CCN6: variants seen among roughly 807,000 people sequenced by gnomAD.
CCN6 encodes the protein CCN family member 6.
A neutral mutation model predicts 37.4 loss-of-function variants in CCN6; 31 were observed. That is an observed-to-expected ratio of 0.83 (90% CI 0.62 to 1.12). The LOEUF is 1.12. CCN6 is among the 50% of genes most tolerant of loss of function. The pLI, the probability that CCN6 is intolerant of heterozygous loss-of-function variation, is 0.00. For synonymous variants in CCN6, 137 were observed against 142.1 expected, an observed-to-expected ratio of 0.96 and a Z score of 0.26; for missense variants, 369 against 413.8, an observed-to-expected ratio of 0.89 and a Z score of 0.94.
At chr6:112,068,592 G>C (rs1776770854) in intron 4 of CCN6, among the ~76,000 whole-genome samples, 194 bp downstream of exon 4, 1 of 152,088 alleles carries the variant, frequency 6.6e-6, no homozygotes, top group Non-Finnish European at 1.5e-5. Flanking sequence ...TTACCAACCA[G>C]AGCAGATTCT....
chr6:112,065,563 A>AACACACGC (rs1554313745), intron 3 of CCN6, among the ~76,000 whole-genome samples: 1 of 102,092 alleles, frequency 9.8e-6, no homozygotes, highest in Non-Finnish European at 2.2e-5. Context: ...TCTCTCTGTA[A>AACACACGC]ACACACACAC....
intron 1 of CCN6, 42 bp from the exon 2 acceptor site, chr6:112,060,949 T>G: frequency 6.2e-7 from 1 of 1,611,038 alleles, no homozygotes; most frequent in Non-Finnish European, 8.5e-7. Flanking sequence ...TACTATTACA[T>G]AGAGAAGCTA....
intron 1 of CCN6, among the ~76,000 whole-genome samples, chr6:112,057,356 A>G (rs1468108511): frequency 1.3e-5 from 2 of 152,236 alleles, no homozygotes; most frequent in Non-Finnish European, 2.9e-5. Context: ...TCCAGGAGCA[A>G]CATAGTAGAT....
chr6:112,058,210 T>C (rs2114435827), intron 1 of CCN6, among the ~76,000 whole-genome samples: 1 of 152,322 alleles, frequency 6.6e-6, no homozygotes, highest in South Asian at 2.1e-4. Context: ...CATTCTCACG[T>C]TGTGCATGTA....
intron 3 of CCN6, among the ~76,000 whole-genome samples, chr6:112,066,674 C>A (rs1205516628): frequency 6.6e-6 from 1 of 152,092 alleles, no homozygotes; most frequent in Non-Finnish European, 1.5e-5. Context: ...TTAAAATTAA[C>A]CATAATGACA....
chr6:112,057,123 G>T (rs1776370662), intron 1 of CCN6, among the ~76,000 whole-genome samples: 1 of 152,166 alleles, frequency 6.6e-6, no homozygotes, highest in African/African-American at 2.4e-5. Context: ...TCATTAGAAA[G>T]AACACATGAA....
chr6:112,054,566 GTTCTGTGTTCGTTC>G, intron 1 of CCN6, 161 bp downstream of exon 1: 1 of 698,764 alleles, frequency 1.4e-6, no homozygotes. Context: ...TCCAAATAAA[GTTCTGTGTTCGTTC>G]ATGAGCTTCA....
intron 3 of CCN6, among the ~76,000 whole-genome samples, chr6:112,066,053 ATATTTAATAAAGG>A (rs1776686757): frequency 4.6e-5 from 7 of 152,202 alleles, no homozygotes; most frequent in African/African-American, 1.7e-4. Flanking sequence ...TATTAAGTGG[ATATTTAATAAAGG>A]CAACTATAAG....
At chr6:112,058,670 T>G (rs1164536876) in intron 1 of CCN6, among the ~76,000 whole-genome samples, 1 of 152,180 alleles carries the variant, frequency 6.6e-6, no homozygotes, top group Non-Finnish European at 1.5e-5. Flanking sequence ...GGGCAGAATG[T>G]CCCAGGCAGG....
intron 2 of CCN6, among the ~76,000 whole-genome samples, chr6:112,063,679 T>C (rs1246803145): frequency 6.6e-6 from 1 of 152,234 alleles, no homozygotes; most frequent in Non-Finnish European, 1.5e-5. Context: ...ACAGTTGTTT[T>C]CCTTGAAGTG....
At chr6:112,060,173 G>A in intron 1 of CCN6, 11 of 1,307,732 alleles carry the variant, frequency 8.4e-6, no homozygotes, top group Non-Finnish European at 1.1e-5. Flanking sequence ...ATTTTACATG[G>A]AAATGGGAGG....
At chr6:112,059,884 AG>A (rs1357569570) in intron 1 of CCN6, 51 of 1,192,348 alleles carry the variant, frequency 4.3e-5, no homozygotes, top group Non-Finnish European at 5.4e-5. Context: ...TGAAATGTGT[AG>A]GTAATAAGAA....
At chr6:112,067,131 A>C (rs1776721137) in intron 3 of CCN6, 9 of 898,418 alleles carry the variant, frequency 1.0e-5, no homozygotes, top group Non-Finnish European at 1.2e-5. Context: ...ATCAATTAAA[A>C]TAGAGCACAT....
chr6:112,066,156 A>T (rs1282351327), intron 3 of CCN6, among the ~76,000 whole-genome samples: 2 of 152,196 alleles, frequency 1.3e-5, no homozygotes, highest in African/African-American at 2.4e-5. Context: ...TCAGTAAATT[A>T]GAAAAAAAAT....
At chr6:112,065,410 G>A (rs1776649880) in intron 3 of CCN6, among the ~76,000 whole-genome samples, 1 of 152,062 alleles carries the variant, frequency 6.6e-6, no homozygotes, top group African/African-American at 2.4e-5. Context: ...ACATTTCTAT[G>A]TGATACAGGC....
At chr6:112,053,331 T>C (rs587758228), upstream of CCN6, among the ~76,000 whole-genome samples, 32 of 151,690 alleles carry the variant, frequency 2.1e-4, no homozygotes, top group Non-Finnish European at 3.8e-4. Context: ...ATTCTCACTC[T>C]TGTCCCCCAG....
intron 3 of CCN6, among the ~76,000 whole-genome samples, chr6:112,067,273 A>G (rs1776726592): frequency 6.6e-6 from 1 of 152,144 alleles, no homozygotes; most frequent in Admixed American, 6.6e-5. Flanking sequence ...CCATACTCCC[A>G]AAGCATCCAT....
At chr6:112,057,616 G>A (rs1164786669) in intron 1 of CCN6, among the ~76,000 whole-genome samples, 2 of 152,186 alleles carry the variant, frequency 1.3e-5, no homozygotes, top group Non-Finnish European at 2.9e-5. Flanking sequence ...GTATTTCCTG[G>A]AGGACATTTG....
Position 112,066,993 on chromosome 6 carries a change from T to C in CCN6, c.590-1212T>C, listed in dbSNP as rs782186140. ...GATGTGTGCCAAGCTTCTAATCTGC[T>C]TCCTGCATTGAGGTCTTTAAACTGT... On this transcript the variant is annotated intron_variant, in intron 3 of 4. Coordinates refer to ENST00000368666, the MANE Select transcript of CCN6 (RefSeq NM_198239.2). 5 of 1,366,420 alleles carry C rather than the reference T, an allele frequency of 3.7e-6. No homozygotes were observed. In the East Asian group the frequency reaches 2.3e-4, roughly 62 times the overall value. 84.6% of individuals were successfully genotyped at this position (1,366,420 alleles called of 1,614,324 possible). A position where few individuals can be genotyped will look rare whatever the true frequency, so the allele number is the denominator to read the frequency against.
Sources: allele counts gnomAD v4.1 joint callset (sites outside exome capture counted in the v4.1 genomes callset), GRCh38; gene constraint gnomAD v4.1.1; transcripts MANE v1.5; gene names NCBI Gene and HGNC (gene_info 2026-07-23, HGNC 2026-07-21).